The following SCFD2 variants were observed in gnomAD, a reference collection of about 807,000 sequenced individuals.
SCFD2 encodes sec1 family domain containing 2.
SCFD2 carries 54 observed loss-of-function variants against 58.9 expected under a neutral mutation model. The observed-to-expected ratio is 0.92, with a 90% CI of 0.74 to 1.15. The LOEUF (loss-of-function observed/expected upper bound fraction) is 1.15. Among genes scored for constraint, SCFD2 ranks in the 50% most tolerant of loss-of-function variants. The probability of loss-of-function intolerance (pLI) is 0.00; values close to 1 mark genes in which losing one functional copy is unlikely to be tolerated. For synonymous variants in SCFD2, 321 were observed against 335.9 expected, an observed-to-expected ratio of 0.96 and a Z score of 0.49; for missense variants, 805 against 836.6, an observed-to-expected ratio of 0.96 and a Z score of 0.47.
chr4:53,317,298 C>T (rs1732895487), intron 2 of SCFD2, among the ~76,000 whole-genome samples: 1 of 152,142 alleles, frequency 6.6e-6, no homozygotes, highest in South Asian at 2.1e-4. Context: ...AGGTCAAAGT[C>T]ATACTTACTG....
intron 4 of SCFD2, among the ~76,000 whole-genome samples, chr4:53,238,296 C>T (rs1465755082): frequency 1.6e-3 from 1 of 608 alleles, no homozygotes; most frequent in South Asian, 0.045. Context: ...GGCAGCTGGC[C>T]GGGTGGGGGC....
chr4:52,975,852 G>A (rs1473438501), intron 5 of SCFD2, among the ~76,000 whole-genome samples: 1 of 152,078 alleles, frequency 6.6e-6, no homozygotes, highest in Non-Finnish European at 1.5e-5. Flanking sequence ...CATAAAAAAG[G>A]ATGAGTTCAC....
chr4:53,274,024 G>T (rs1199965200), intron 3 of SCFD2, 23 bp from the exon 4 acceptor site: 1 of 1,587,162 alleles, frequency 6.3e-7, no homozygotes, highest in Non-Finnish European at 8.6e-7. Context: ...GAATTTATCA[G>T]TGTACCCCCT....
At chr4:53,250,995 TAAA>T (rs1434463478) in intron 4 of SCFD2, among the ~76,000 whole-genome samples, 1 of 151,630 alleles carries the variant, frequency 6.6e-6, no homozygotes, top group Non-Finnish European at 1.5e-5. Context: ...GATAGACTAA[TAAA>T]GAAGAAAAGA....
rs1719721187 is a variant in SCFD2, at chr4:52,920,952, T to C, written c.1562-82A>G. 6 of 720,246 alleles carry C rather than the reference T, an allele frequency of 8.3e-6. No individual in the cohort carries two copies. The South Asian group carries it at 2.0e-4, about 25-fold the overall frequency. 44.6% of individuals were successfully genotyped at this position (720,246 alleles called of 1,614,324 possible). A position where few individuals can be genotyped will look rare whatever the true frequency, so the allele number is the denominator to read the frequency against. On this transcript the variant is annotated intron_variant, in intron 5 of 8. Coordinates refer to ENST00000401642, the MANE Select transcript of SCFD2 (RefSeq NM_152540.4). ...ACAGCTTGAGCTCGATGTAATGTAGTTGGGAGGTTTTTTTTTTTCTTTATT... is the reference window on the plus strand; with the variant it reads ...ACAGCTTGAGCTCGATGTAATGTAGCTGGGAGGTTTTTTTTTTTCTTTATT...
chr4:52,940,300 A>G (rs1720259099), intron 5 of SCFD2, among the ~76,000 whole-genome samples: 1 of 152,144 alleles, frequency 6.6e-6, no homozygotes, highest in African/African-American at 2.4e-5. Context: ...TGTTCCGACT[A>G]CACTCAGCAT....
At chr4:53,346,745 T>C (rs1734069263) in intron 2 of SCFD2, among the ~76,000 whole-genome samples, 1 of 152,174 alleles carries the variant, frequency 6.6e-6, no homozygotes, top group African/African-American at 2.4e-5. Flanking sequence ...GGCATTTTAA[T>C]AGAAGTTGTA....
chr4:53,116,279 T>C (rs1349072667), intron 5 of SCFD2, among the ~76,000 whole-genome samples: 3 of 152,200 alleles, frequency 2.0e-5, no homozygotes, highest in Non-Finnish European at 4.4e-5. Context: ...TAAATGTTCA[T>C]AGTGACAAGC....
At chr4:53,072,178 G>T (rs1723834767) in intron 5 of SCFD2, among the ~76,000 whole-genome samples, 1 of 152,106 alleles carries the variant, frequency 6.6e-6, no homozygotes, top group Non-Finnish European at 1.5e-5. Context: ...CACCTAAGAA[G>T]AGGCCCAGAT....
intron 4 of SCFD2, among the ~76,000 whole-genome samples, chr4:53,187,173 T>A (rs1365323094): frequency 6.6e-6 from 1 of 152,028 alleles, no homozygotes; most frequent in Non-Finnish European, 1.5e-5. Context: ...TCACAAAACA[T>A]TAATATATAC....
intron 4 of SCFD2, among the ~76,000 whole-genome samples, chr4:53,259,469 A>G (rs1730762624): frequency 6.6e-6 from 1 of 152,180 alleles, no homozygotes; most frequent in Non-Finnish European, 1.5e-5. Flanking sequence ...CATTTGTTGA[A>G]TAGGGTGTCT....
intron 5 of SCFD2, among the ~76,000 whole-genome samples, chr4:53,096,450 G>A (rs1288608585): frequency 1.3e-5 from 2 of 152,184 alleles, no homozygotes; most frequent in Non-Finnish European, 2.9e-5. Context: ...GTTTTGACTT[G>A]CATTTCTCTG....
At chr4:52,910,234 G>C (rs908701500) in intron 6 of SCFD2, among the ~76,000 whole-genome samples, 3 of 152,220 alleles carry the variant, frequency 2.0e-5, no homozygotes, top group Admixed American at 2.0e-4. Flanking sequence ...TTTTAAAATG[G>C]AAGGATATGC....
intron 4 of SCFD2, among the ~76,000 whole-genome samples, chr4:53,253,699 T>C (rs1004005337): frequency 1.6e-5 from 2 of 125,914 alleles, no homozygotes; most frequent in African/African-American, 6.2e-5. Context: ...TGAGAACACA[T>C]GGACACCAGA....
rs1230173894 is a variant in SCFD2, at chr4:52,920,833, G to T, written c.1599C>A (p.Ser533=). Residue 533 remains serine (S), a synonymous_variant, in exon 6 of 9, where the codon TCC becomes TCA. Coordinates refer to ENST00000401642, the MANE Select transcript of SCFD2 (RefSeq NM_152540.4). ...DSSINLTFHK[S]KIAVDELFTS... is the part of the protein sequence containing the mutation. Reference sequence around the variant, plus strand: ...TAAAGAGTTCATCCACGGCAATTTTGGATTTGTGAAATGTCAGATTAATTG... The same window carrying T: ...TAAAGAGTTCATCCACGGCAATTTTTGATTTGTGAAATGTCAGATTAATTG... 6.2e-7 allele frequency: 1 copy of T among 1,611,088 alleles called. No homozygotes were observed. The highest frequency in any genetic ancestry group is 1.3e-5 in the African/African-American group (1 of 74,776).
chr4:52,933,734 A>C (rs1720058455), intron 5 of SCFD2, among the ~76,000 whole-genome samples: 1 of 152,200 alleles, frequency 6.6e-6, no homozygotes, highest in South Asian at 2.1e-4. Flanking sequence ...AAAAACTCTA[A>C]AGTAGTTAGA....
chr4:53,095,887 AG>A (rs1724612152), intron 5 of SCFD2, among the ~76,000 whole-genome samples: 1 of 151,694 alleles, frequency 6.6e-6, no homozygotes, highest in Non-Finnish European at 1.5e-5. Flanking sequence ...ACCCCACAAC[AG>A]GCCCCGGTGT....
At chr4:53,341,761 G>C (rs538492751) in intron 2 of SCFD2, among the ~76,000 whole-genome samples, 1 of 152,112 alleles carries the variant, frequency 6.6e-6, no homozygotes, top group Non-Finnish European at 1.5e-5. Context: ...CAGATCTCTC[G>C]GCAGAAACTC....
At chr4:52,935,424 GT>G (rs1720111688) in intron 5 of SCFD2, among the ~76,000 whole-genome samples, 1 of 152,208 alleles carries the variant, frequency 6.6e-6, no homozygotes. Context: ...ATCAACACCT[GT>G]TCTAGGAAGA....
Sources: allele counts gnomAD v4.1 joint callset (sites outside exome capture counted in the v4.1 genomes callset), GRCh38; gene constraint gnomAD v4.1.1; transcripts MANE v1.5; gene names NCBI Gene and HGNC (gene_info 2026-07-23, HGNC 2026-07-21).